The following GPC6 variants were observed in gnomAD, a reference collection of about 807,000 sequenced individuals.
GPC6 encodes the protein glypican 6.
GPC6 carries 14 observed loss-of-function variants against 55.2 expected under a neutral mutation model. The ratio of observed to expected loss-of-function variants is 0.25; its 90% CI spans 0.17 to 0.40. The LOEUF (loss-of-function observed/expected upper bound fraction) is 0.40. Among genes scored for constraint, GPC6 ranks in the 10% least tolerant of loss-of-function variants. The pLI is 1.00. For missense variants in GPC6, 641 were observed against 708.5 expected (o/e 0.90, Z 1.08); for synonymous variants, 278 against 259.6 (o/e 1.07, Z -0.68).
intron 3 of GPC6, among the ~76,000 whole-genome samples, chr13:93,964,203 GT>G (rs1003112532): frequency 2.0e-5 from 3 of 152,128 alleles, no homozygotes; most frequent in African/African-American, 7.2e-5. Flanking sequence ...GGAATTTCAG[GT>G]TTAGCTGTGA....
At chr13:93,328,255 C>A (rs938413542) in intron 1 of GPC6, among the ~76,000 whole-genome samples, 4 of 152,016 alleles carry the variant, frequency 2.6e-5, no homozygotes, top group African/African-American at 7.2e-5. Context: ...ACTCTTGTTT[C>A]TCCAGTAATA....
intron 3 of GPC6, among the ~76,000 whole-genome samples, chr13:93,894,185 G>A (rs1242123328): frequency 6.6e-6 from 1 of 152,054 alleles, no homozygotes; most frequent in Non-Finnish European, 1.5e-5. Context: ...TGCCCTTTAG[G>A]AATTCCTGCC....
chr13:93,372,236 A>C (rs1229598293), intron 1 of GPC6, among the ~76,000 whole-genome samples: 1 of 152,184 alleles, frequency 6.6e-6, no homozygotes, highest in Non-Finnish European at 1.5e-5. Context: ...GATTTGTAGT[A>C]ACAAGGCAGA....
chr13:94,363,534 A>C (rs1282406162), intron 6 of GPC6, among the ~76,000 whole-genome samples: 2 of 152,230 alleles, frequency 1.3e-5, no homozygotes, highest in Non-Finnish European at 2.9e-5. Flanking sequence ...TCAGAAGAAG[A>C]TACTGAACTC....
chr13:94,390,188 G>A (rs1046795427), intron 7 of GPC6, among the ~76,000 whole-genome samples: 4 of 152,224 alleles, frequency 2.6e-5, no homozygotes, highest in African/African-American at 9.6e-5. Context: ...GAGATGGAAT[G>A]ATGCACGATG....
rs547344111 is a variant in GPC6 at position 93,727,603 on chromosome 13, A to T, written c.320-102551A>T. Among the ~76,000 whole-genome samples, 3 of 152,292 alleles carry T rather than the reference A, an allele frequency of 2.0e-5. No homozygotes were observed. In the East Asian group the frequency reaches 5.8e-4, roughly 30 times the overall value. ...TCTAAATCACATCTACTCATCTCTG[A>T]TGTTATAACATGAAACCACAAAACC... On this transcript the variant is annotated intron_variant, in intron 2 of 8. Transcript: ENST00000377047.
chr13:93,764,907 C>G (rs1164788638), intron 2 of GPC6, among the ~76,000 whole-genome samples: 1 of 152,136 alleles, frequency 6.6e-6, no homozygotes, highest in Non-Finnish European at 1.5e-5. Flanking sequence ...TCAAGTGATT[C>G]TGCTGCCTCA....
intron 6 of GPC6, among the ~76,000 whole-genome samples, chr13:94,317,362 T>C (rs1876590563): frequency 6.6e-6 from 1 of 152,180 alleles, no homozygotes; most frequent in Non-Finnish European, 1.5e-5. Context: ...AGCTAAGCAT[T>C]TCCTTTGCTT....
intron 1 of GPC6, among the ~76,000 whole-genome samples, chr13:93,529,027 A>G (rs1463966222): frequency 1.3e-5 from 2 of 152,130 alleles, no homozygotes; most frequent in Non-Finnish European, 2.9e-5. Context: ...GATACTTTCT[A>G]TCACTGCTTA....
chr13:93,792,333 T>C (rs191441198), intron 2 of GPC6, among the ~76,000 whole-genome samples: 1 of 152,334 alleles, frequency 6.6e-6, no homozygotes, highest in East Asian at 1.9e-4. Context: ...TTTTTTGAGA[T>C]GGAGTTTTGC....
chr13:93,950,227 A>G (rs1879193638), intron 3 of GPC6, among the ~76,000 whole-genome samples: 1 of 152,176 alleles, frequency 6.6e-6, no homozygotes, highest in African/African-American at 2.4e-5. Context: ...AAGTGTCCAG[A>G]TTTCACTAAA....
At chr13:93,683,520 A>G (rs2138769339) in intron 2 of GPC6, among the ~76,000 whole-genome samples, 1 of 152,272 alleles carries the variant, frequency 6.6e-6, no homozygotes, top group African/African-American at 2.4e-5. Flanking sequence ...AGTGATTAAA[A>G]CAGTACGTTA....
chr13:93,626,661 G>T (rs1352195193), intron 2 of GPC6, among the ~76,000 whole-genome samples: 1 of 152,036 alleles, frequency 6.6e-6, no homozygotes, highest in Non-Finnish European at 1.5e-5. Context: ...AATTAGCCAG[G>T]CATAGTGGCA....
intron 2 of GPC6, among the ~76,000 whole-genome samples, chr13:93,560,832 A>G (rs1359703216): frequency 1.3e-5 from 2 of 152,012 alleles, no homozygotes; most frequent in African/African-American, 2.4e-5. Context: ...TGGGAACATA[A>G]TAAAAGCTAC....
intron 2 of GPC6, among the ~76,000 whole-genome samples, chr13:93,825,973 G>A (rs1193485563): frequency 2.0e-5 from 3 of 146,884 alleles, no homozygotes; most frequent in African/African-American, 7.6e-5. Context: ...TGATTCTCCT[G>A]CCTCAGCCTC....
In GPC6 at chr13:93,227,324, G is replaced by C. The variant is rs550165187; in HGVS notation, c.-133G>C. 7.2e-6 allele frequency: 6 copies of C among 830,256 alleles called. No homozygotes were observed. Among genetic ancestry groups the C allele is most frequent in the Non-Finnish European group, 1.2e-5 (6 of 516,400 alleles). 51.4% of individuals were successfully genotyped at this position (830,256 alleles called of 1,614,324 possible). On this transcript the variant is annotated 5_prime_UTR_variant, in exon 1 of 9. Coordinates refer to ENST00000377047, the MANE Select transcript of GPC6 (RefSeq NM_005708.5). This position sits in a 1 kb window ranked among gnomAD's most constrained non-coding sequence, Gnocchi z 4.3. Reference sequence around the variant, plus strand: ...AGAGGGCTGCGCTGCTCGTCCCCTCGGCTGGCAGAAGGGGGTGACGCTGGG... The same window carrying C: ...AGAGGGCTGCGCTGCTCGTCCCCTCCGCTGGCAGAAGGGGGTGACGCTGGG...
rs1412559163 is a variant in GPC6 at position 94,405,486 on chromosome 13, G to A, written c.*2269G>A. On this transcript the variant is annotated 3_prime_UTR_variant, in exon 9 of 9. Transcript: ENST00000377047. ...ATTTGAATAATAACTTGCTTTTATGGCTTTAAACTCCAGGTCTTTCCTTTT... is the reference window on the plus strand; with the variant it reads ...ATTTGAATAATAACTTGCTTTTATGACTTTAAACTCCAGGTCTTTCCTTTT... The A allele has an allele frequency of 5.3e-5, 8 of 152,152 alleles. No homozygotes were observed. In the East Asian group the frequency reaches 1.5e-3, roughly 29 times the overall value. 9.4% of individuals were successfully genotyped at this position (152,152 alleles called of 1,614,324 possible).
chr13:94,139,299 C>A (rs1416511636), intron 4 of GPC6, among the ~76,000 whole-genome samples: 2 of 152,100 alleles, frequency 1.3e-5, no homozygotes, highest in Non-Finnish European at 2.9e-5. Context: ...TATTCTTATA[C>A]CCCATACATT....
intron 2 of GPC6, among the ~76,000 whole-genome samples, chr13:93,762,751 G>A (rs1395484751): frequency 6.6e-6 from 1 of 152,166 alleles, no homozygotes; most frequent in African/African-American, 2.4e-5. Flanking sequence ...TCTAAGTCAG[G>A]TTCTGATGTG....
Sources: allele counts gnomAD v4.1 joint callset (sites outside exome capture counted in the v4.1 genomes callset), GRCh38; gene constraint gnomAD v4.1.1; non-coding constraint Gnocchi (gnomAD v3.1); transcripts MANE v1.5; gene names NCBI Gene and HGNC (gene_info 2026-07-23, HGNC 2026-07-21).